Variants in CATSPERT observed in about 807,000 individuals in gnomAD.
The protein encoded by CATSPERT is catsper channel auxiliary subunit tau, also known as cation channel sperm-associated targeting subunit tau.
chr2:201,544,004 C>G, the CATSPERT span, among the ~76,000 whole-genome samples: 2 of 152,120 alleles, frequency 1.3e-5, no homozygotes, highest in African/African-American at 4.8e-5. Context: ...GCTATCCCTC[C>G]CCACTGCCCC....
At chr2:201,490,098 C>A in the CATSPERT span, among the ~76,000 whole-genome samples, 1 of 152,164 alleles carries the variant, frequency 6.6e-6, no homozygotes, top group Non-Finnish European at 1.5e-5. Flanking sequence ...CTCAAGTGAT[C>A]CACCTGCCTC....
the CATSPERT span, among the ~76,000 whole-genome samples, chr2:201,534,040 T>TTATCTATCTATCTATC: frequency 1.3e-5 from 2 of 148,556 alleles, no homozygotes; most frequent in African/African-American, 2.5e-5. Context: ...GATCTGTATA[T>TTATCTATCTATCTATC]TATCTATCTA....
At chr2:201,603,147 T>C in the CATSPERT span, 1 of 1,358,768 alleles carries the variant, frequency 7.4e-7, no homozygotes. Context: ...AGTTTTGGAA[T>C]GGTTTGTAAT....
the CATSPERT span, chr2:201,534,518 T>A: frequency 1.1e-5 from 11 of 982,498 alleles, no homozygotes; most frequent in Non-Finnish European, 1.3e-5. Context: ...GAGCTCATTA[T>A]AAAACCTAAA....
At chr2:201,591,827 A>T in the CATSPERT span, among the ~76,000 whole-genome samples, 3 of 151,992 alleles carry the variant, frequency 2.0e-5, no homozygotes, top group African/African-American at 7.3e-5. Flanking sequence ...ATTTTTGTAC[A>T]TTGATTTTGT....
the CATSPERT span, among the ~76,000 whole-genome samples, chr2:201,500,506 TC>T: frequency 6.6e-6 from 1 of 152,008 alleles, no homozygotes. Context: ...AGAGTGAGAC[TC>T]TGTTTCAAAA....
chr2:201,593,013 C>T, the CATSPERT span, among the ~76,000 whole-genome samples: 4 of 151,804 alleles, frequency 2.6e-5, no homozygotes, highest in Admixed American at 1.3e-4. Context: ...TTATTTCTTG[C>T]CTTCTGCTAG....
the CATSPERT span, among the ~76,000 whole-genome samples, chr2:201,490,869 G>A: frequency 6.6e-5 from 10 of 152,006 alleles, no homozygotes; most frequent in Admixed American, 2.6e-4. Context: ...GACTGCAGGC[G>A]CCCGCCACCA....
the CATSPERT span, chr2:201,572,094 A>G: frequency 9.4e-7 from 1 of 1,067,312 alleles, no homozygotes; most frequent in Non-Finnish European, 1.4e-6. Flanking sequence ...ACCATACCAT[A>G]TTGATACCAT....
the CATSPERT span, among the ~76,000 whole-genome samples, chr2:201,572,586 T>A: frequency 6.6e-6 from 1 of 152,180 alleles, no homozygotes; most frequent in African/African-American, 2.4e-5. Context: ...TATCTCTCCT[T>A]AAAAATGGCT....
chr2:201,618,012 C>A, the CATSPERT span, among the ~76,000 whole-genome samples: 1 of 152,218 alleles, frequency 6.6e-6, no homozygotes, highest in East Asian at 1.9e-4. Context: ...CAATGAGATA[C>A]CATCTCACAC....
chr2:201,605,226 A>T, the CATSPERT span, among the ~76,000 whole-genome samples: 1 of 152,144 alleles, frequency 6.6e-6, no homozygotes, highest in Non-Finnish European at 1.5e-5. Context: ...ACACAAAAGG[A>T]AGCACAGACA....
chr2:201,562,972 C>T, the CATSPERT span, among the ~76,000 whole-genome samples: 1 of 150,890 alleles, frequency 6.6e-6, no homozygotes, highest in Non-Finnish European at 1.5e-5. Flanking sequence ...ACCTTTCCCC[C>T]CTTTCTATTC....
chr2:201,596,767 C>A, the CATSPERT span, among the ~76,000 whole-genome samples: 1 of 152,100 alleles, frequency 6.6e-6, no homozygotes, highest in Non-Finnish European at 1.5e-5. Flanking sequence ...CTTTTAAGTC[C>A]TTCAATGAAT....
the CATSPERT span, among the ~76,000 whole-genome samples, chr2:201,593,837 C>G: frequency 1.6e-4 from 25 of 151,552 alleles, no homozygotes; most frequent in Middle Eastern, 3.4e-3. Flanking sequence ...TTTGGTAGAT[C>G]TTCCTCCATC....
the CATSPERT span, among the ~76,000 whole-genome samples, chr2:201,589,417 A>G: frequency 6.6e-6 from 1 of 152,178 alleles, no homozygotes; most frequent in African/African-American, 2.4e-5. Flanking sequence ...ACATAGACCA[A>G]AGGAACAGAA....
the CATSPERT span, among the ~76,000 whole-genome samples, chr2:201,601,273 AGTGTGTGTGTGT>A: frequency 1.4e-4 from 6 of 41,806 alleles, no homozygotes; most frequent in African/African-American, 3.5e-4. Flanking sequence ...TAAGGATGAT[AGTGTGTGTGTGT>A]GTGTGTGTGT....
chr2:201,487,875 G>C, the CATSPERT span: 1 of 1,610,244 alleles, frequency 6.2e-7, no homozygotes, highest in Non-Finnish European at 8.5e-7. Flanking sequence ...GTCATGTCAT[G>C]TAAATCCTCA....
chr2:201,580,663 A>G, the CATSPERT span, among the ~76,000 whole-genome samples: 1 of 152,314 alleles, frequency 6.6e-6, no homozygotes, highest in Non-Finnish European at 1.5e-5. Context: ...ACATAACCCC[A>G]TTAGTCTTTG....
Sources: allele counts gnomAD v4.1 joint callset (sites outside exome capture counted in the v4.1 genomes callset), GRCh38; gene constraint gnomAD v4.1.1; transcripts MANE v1.5; gene names NCBI Gene and HGNC (gene_info 2026-07-23, HGNC 2026-07-21).